SPAG16: variants seen among roughly 807,000 people sequenced by gnomAD.
SPAG16 encodes sperm associated antigen 16.
SPAG16 carries 86 observed loss-of-function variants against 80.4 expected under a neutral mutation model. The observed-to-expected ratio is 1.07, with a 90% CI of 0.90 to 1.28. The LOEUF is 1.28. Among genes scored for constraint, SPAG16 ranks in the 50% most tolerant of loss-of-function variants. The probability of loss-of-function intolerance (pLI) is 0.00; values close to 1 mark genes in which losing one functional copy is unlikely to be tolerated. For missense variants in SPAG16, 870 were observed against 765.3 expected (o/e 1.14, Z -1.61); for synonymous variants, 294 against 265.9 (o/e 1.11, Z -1.03).
At chr2:214,042,369 A>C (rs898787286) in intron 13 of SPAG16, among the ~76,000 whole-genome samples, 1 of 152,014 alleles carries the variant, frequency 6.6e-6, no homozygotes, top group Non-Finnish European at 1.5e-5. Flanking sequence ...GTAATGGGAA[A>C]AACTGCAGTT....
chr2:213,359,377 C>T (rs924118316), intron 7 of SPAG16, among the ~76,000 whole-genome samples: 8 of 151,330 alleles, frequency 5.3e-5, no homozygotes, highest in Non-Finnish European at 1.2e-4. Context: ...GCCCTGCCCA[C>T]AGAGATGGAG....
At chr2:213,359,134 C>T (rs1206534104) in intron 7 of SPAG16, among the ~76,000 whole-genome samples, 1 of 152,158 alleles carries the variant, frequency 6.6e-6, no homozygotes, top group Non-Finnish European at 1.5e-5. Flanking sequence ...CTGCCTGATC[C>T]TTCTTCTAGA....
chr2:213,869,489 A>G (rs1435459271), intron 11 of SPAG16, among the ~76,000 whole-genome samples: 1 of 151,484 alleles, frequency 6.6e-6, no homozygotes, highest in Non-Finnish European at 1.5e-5. Context: ...AACATAGTAG[A>G]CTTTTATTAA....
At chr2:214,167,077 G>T (rs898955654) in intron 15 of SPAG16, among the ~76,000 whole-genome samples, 4 of 152,118 alleles carry the variant, frequency 2.6e-5, no homozygotes, top group Non-Finnish European at 4.4e-5. Context: ...TATACCTAAT[G>T]GAAGTTAATA....
intron 10 of SPAG16, among the ~76,000 whole-genome samples, chr2:213,555,127 C>T (rs1300418661): frequency 6.6e-6 from 1 of 152,130 alleles, no homozygotes; most frequent in African/African-American, 2.4e-5. Flanking sequence ...TCCAATAAGA[C>T]TAGCAGTGCA....
At chr2:213,300,665 G>C (rs1344992212) in intron 3 of SPAG16, among the ~76,000 whole-genome samples, 1 of 152,048 alleles carries the variant, frequency 6.6e-6, no homozygotes, top group African/African-American at 2.4e-5. Context: ...AATGTAGTTA[G>C]TTTTTATTAA....
At chr2:213,395,493 G>C (rs1214576612) in intron 9 of SPAG16, among the ~76,000 whole-genome samples, 2 of 152,088 alleles carry the variant, frequency 1.3e-5, no homozygotes, top group African/African-American at 4.8e-5. Context: ...TTATTTAGAA[G>C]TGTGCTGTTT....
rs10611901 is a variant in SPAG16 at position 213,654,353 on chromosome 2, T to TTTTG, written c.1070+164291_1070+164294dup. Among the ~76,000 whole-genome samples the TTTTG allele has an allele frequency of 1.5e-3, 226 of 150,570 alleles. 2 individuals are homozygous for TTTTG. Among genetic ancestry groups the TTTTG allele is most frequent in the South Asian group, 9.4e-3 (45 of 4,762 alleles). Reference sequence around the variant, plus strand: ...TAATGGACGCTTGAACATCTATTGTTTTTGTTTGTTTGTTTGTTTGTTTGT... The same window carrying TTTTG: ...TAATGGACGCTTGAACATCTATTGTTTTTGTTTGTTTGTTTGTTTGTTTGTTTGT... On this transcript the variant is annotated intron_variant, in intron 10 of 15. Coordinates refer to ENST00000331683, the MANE Select transcript of SPAG16 (RefSeq NM_024532.5).
At chr2:213,671,406 C>T (rs1016104417) in intron 10 of SPAG16, among the ~76,000 whole-genome samples, 1 of 152,098 alleles carries the variant, frequency 6.6e-6, no homozygotes, top group Non-Finnish European at 1.5e-5. Context: ...TCTAAGAACT[C>T]TCAGAGTAAG....
At chr2:213,615,330 C>T (rs535610759) in intron 10 of SPAG16, among the ~76,000 whole-genome samples, 32 of 152,326 alleles carry the variant, frequency 2.1e-4, no homozygotes, top group Non-Finnish European at 3.4e-4. Flanking sequence ...CGGTGGCTCA[C>T]GCCTGTAATC....
intron 10 of SPAG16, among the ~76,000 whole-genome samples, chr2:213,673,575 A>C (rs1215718025): frequency 6.6e-6 from 1 of 152,206 alleles, no homozygotes; most frequent in Non-Finnish European, 1.5e-5. Context: ...GAAAAAGCAC[A>C]TTGCAGAAGA....
chr2:213,347,569 G>C (rs1234553445), intron 6 of SPAG16, among the ~76,000 whole-genome samples: 1 of 152,192 alleles, frequency 6.6e-6, no homozygotes, highest in African/African-American at 2.4e-5. Flanking sequence ...GTGTCCCAGA[G>C]ATTCTGGTAT....
intron 15 of SPAG16, among the ~76,000 whole-genome samples, chr2:214,368,241 T>C (rs1181152261): frequency 6.6e-6 from 1 of 152,100 alleles, no homozygotes; most frequent in Non-Finnish European, 1.5e-5. Context: ...AGATATCCCA[T>C]GTTCTTCTTT....
At chr2:213,839,225 A>T (rs1211997663) in intron 10 of SPAG16, among the ~76,000 whole-genome samples, 1 of 152,240 alleles carries the variant, frequency 6.6e-6, no homozygotes, top group African/African-American at 2.4e-5. Flanking sequence ...TTCTATGCAG[A>T]CAGTTATAGT....
intron 13 of SPAG16, among the ~76,000 whole-genome samples, chr2:214,053,999 CT>C (rs547923041): frequency 2.0e-5 from 3 of 151,298 alleles, no homozygotes; most frequent in Non-Finnish European, 3.0e-5. Context: ...CCCCCACTCC[CT>C]TTTTTTTTAA....
chr2:213,663,410 C>T (rs1350206152), intron 10 of SPAG16, among the ~76,000 whole-genome samples: 1 of 151,818 alleles, frequency 6.6e-6, no homozygotes, highest in Non-Finnish European at 1.5e-5. Flanking sequence ...AAATAGTAAA[C>T]AAAAAAGTAA....
chr2:214,022,790 A>G (rs571866970), intron 13 of SPAG16, among the ~76,000 whole-genome samples: 1 of 152,048 alleles, frequency 6.6e-6, no homozygotes, highest in African/African-American at 2.4e-5. Flanking sequence ...GATATACCCT[A>G]TTTCACTTTT....
At chr2:213,536,949 G>A (rs953399950) in intron 10 of SPAG16, among the ~76,000 whole-genome samples, 8 of 151,990 alleles carry the variant, frequency 5.3e-5, no homozygotes, top group Admixed American at 5.2e-4. Flanking sequence ...TTAAGAAAAT[G>A]TGGCACATAT....
chr2:214,042,093 C>A (rs1369054983), intron 13 of SPAG16, among the ~76,000 whole-genome samples: 8 of 134,202 alleles, frequency 6.0e-5, no homozygotes. Flanking sequence ...TTTTCTTTTT[C>A]TTTTTTTTTT....
Sources: allele counts gnomAD v4.1 joint callset (sites outside exome capture counted in the v4.1 genomes callset), GRCh38; gene constraint gnomAD v4.1.1; transcripts MANE v1.5; gene names NCBI Gene and HGNC (gene_info 2026-07-23, HGNC 2026-07-21).